KIF20B: variants seen among roughly 807,000 people sequenced by gnomAD.
KIF20B encodes the protein kinesin family member 20B, also known as kinesin-like protein KIF20B.
KIF20B carries 188 observed loss-of-function variants against 232.5 expected under a neutral mutation model. That is an observed-to-expected ratio of 0.81 (90% confidence interval 0.72 to 0.91). The LOEUF (loss-of-function observed/expected upper bound fraction) is 0.91. Ranked by LOEUF, KIF20B falls within the 40% of genes least tolerant of loss-of-function variation. The probability of loss-of-function intolerance (pLI) is 0.00; values close to 1 mark genes in which losing one functional copy is unlikely to be tolerated. For synonymous variants in KIF20B, 712 were observed against 683.0 expected (o/e 1.04, Z -0.66); for missense variants, 2,154 against 2,055.9 (o/e 1.05, Z -0.92).
At chr10:89,755,248 C>T (rs1479611648) in intron 26 of KIF20B, among the ~76,000 whole-genome samples, 1 of 152,194 alleles carries the variant, frequency 6.6e-6, no homozygotes, top group Non-Finnish European at 1.5e-5. Context: ...AATGAAAAAC[C>T]AGTGTCTATA....
At chr10:89,733,653 A>G (rs1325394423) in intron 19 of KIF20B, among the ~76,000 whole-genome samples, 1 of 152,220 alleles carries the variant, frequency 6.6e-6, no homozygotes, top group African/African-American at 2.4e-5. Context: ...TTGAGGAAAT[A>G]AATAGGAAAA....
At chr10:89,764,467 C>G (rs1482253432) in intron 29 of KIF20B, among the ~76,000 whole-genome samples, 1 of 152,190 alleles carries the variant, frequency 6.6e-6, no homozygotes, top group African/African-American at 2.4e-5. Context: ...CTGGGAATCG[C>G]CACACTGACT....
chr10:89,706,014 G>A (rs921294105), intron 2 of KIF20B, among the ~76,000 whole-genome samples: 3 of 152,104 alleles, frequency 2.0e-5, no homozygotes, highest in Non-Finnish European at 4.4e-5. Context: ...GTGAACTTGT[G>A]TTTTCATTTT....
rs753091686 is a variant in KIF20B at position 89,774,092 on chromosome 10, A to T, written c.*44A>T. On this transcript the variant is annotated 3_prime_UTR_variant, in exon 33 of 33. Transcript: ENST00000371728. Reference sequence around the variant, plus strand: ...TAATATAAATTTTATAGTCATAGTCATTGGAACTTGCATCCTGTATTGTAA... The same window carrying T: ...TAATATAAATTTTATAGTCATAGTCTTTGGAACTTGCATCCTGTATTGTAA... 9.9e-6 allele frequency: 12 copies of T among 1,214,812 alleles called. No homozygotes were observed. The South Asian group carries it at 1.4e-4, about 14-fold the overall frequency. The allele number at this position is 1,214,812 out of a possible 1,614,324, so 75.3% of individuals were successfully genotyped here.
Position 89,727,859 on chromosome 10 carries a change from C to A in KIF20B, c.2234C>A (p.Ser745Ter). Residue 745 changes from serine to a stop codon, truncating the protein, a stop_gained, in exon 17 of 33, where the codon TCA (serine) becomes TAA (stop). Transcript: ENST00000371728. LOFTEE classifies it high-confidence loss of function. ...TCAATGTTCTTTATTTTTTCAGAAT[C>A]AGATTCATTGATTCAAGAGCTTGAG... The part of the protein sequence containing the change: ...KEELKKRENE[S>*]DSLIQELETS... 1.9e-6 allele frequency: 3 copies of A among 1,551,564 alleles called. No individual in the cohort carries two copies. The South Asian group carries it at 3.5e-5, about 18-fold the overall frequency.
chr10:89,724,335 T>G (rs1843130422), intron 14 of KIF20B, among the ~76,000 whole-genome samples: 1 of 152,148 alleles, frequency 6.6e-6, no homozygotes, highest in East Asian at 1.9e-4. Flanking sequence ...GAGATCAGCC[T>G]GGCCAACATG....
intron 28 of KIF20B, 150 bp from the exon 29 acceptor site, chr10:89,762,488 T>C (rs2133167742): frequency 1.6e-6 from 1 of 606,848 alleles, no homozygotes; most frequent in Non-Finnish European, 2.9e-6. Flanking sequence ...AGTAGATGAT[T>C]GCTCAATCTT....
chr10:89,762,477 A>G (rs1309974079), intron 28 of KIF20B, among the ~76,000 whole-genome samples, 161 bp from the exon 29 acceptor site: 4 of 152,204 alleles, frequency 2.6e-5, no homozygotes, highest in Non-Finnish European at 5.9e-5. Flanking sequence ...AGCCTGAAGA[A>G]AGTAGATGAT....
At chr10:89,724,293 T>C (rs1843129108) in intron 14 of KIF20B, among the ~76,000 whole-genome samples, 190 bp downstream of exon 14, 1 of 152,054 alleles carries the variant, frequency 6.6e-6, no homozygotes, top group African/African-American at 2.4e-5. Flanking sequence ...TTGGGAGGCC[T>C]AGGCAGGCGG....
At chr10:89,754,415 T>A in intron 25 of KIF20B, 103 bp from the exon 26 acceptor site, 1 of 615,690 alleles carries the variant, frequency 1.6e-6, no homozygotes, top group Admixed American at 3.9e-5. Context: ...CATTAAAGTT[T>A]TTATAGAGGT....
At chr10:89,703,687 A>G (rs1165265765) in intron 1 of KIF20B, among the ~76,000 whole-genome samples, 1 of 151,170 alleles carries the variant, frequency 6.6e-6, no homozygotes, top group Non-Finnish European at 1.5e-5. Context: ...AAATATGCTT[A>G]TTTTGGGCCA....
intron 18 of KIF20B, among the ~76,000 whole-genome samples, chr10:89,732,345 A>G (rs1281158461): frequency 6.6e-6 from 1 of 151,816 alleles, no homozygotes; most frequent in African/African-American, 2.4e-5. Context: ...CTGGTCTCAA[A>G]CTCCTGGGCT....
intron 22 of KIF20B, among the ~76,000 whole-genome samples, chr10:89,744,952 A>G (rs1016242369): frequency 4.6e-5 from 7 of 152,222 alleles, no homozygotes; most frequent in Non-Finnish European, 8.8e-5. Context: ...TTACAATTAG[A>G]ACTGTAGGAT....
intron 15 of KIF20B, 150 bp downstream of exon 15, chr10:89,725,308 A>C: frequency 1.4e-6 from 1 of 720,748 alleles, no homozygotes; most frequent in Non-Finnish European, 2.2e-6. Context: ...GTTTTTTTAG[A>C]AGTGTAAGGC....
intron 23 of KIF20B, 57 bp downstream of exon 23, chr10:89,746,016 G>A (rs1841902830): frequency 8.2e-7 from 1 of 1,212,320 alleles, no homozygotes; most frequent in Non-Finnish European, 1.2e-6. Flanking sequence ...CCCCTCGCAG[G>A]GCATGCGATG....
In KIF20B at chr10:89,754,527, C is replaced by A; in HGVS notation, c.4357C>A (p.Gln1453Lys). 1 of 1,584,428 alleles carries A rather than the reference C, an allele frequency of 6.3e-7. No homozygotes were observed. Among genetic ancestry groups the A allele is most frequent in the Non-Finnish European group, 8.6e-7 (1 of 1,165,646 alleles). ...NLQDELQESE[Q>K]KYNADRKKWL... ...CCATTTATATATACAGGAGTCTGAA[C>A]AGAAATATAATGCTGATAGAAAGAA... The change falls in exon 26 of 33, where the codon CAG becomes AAG. Residue 1453 changes from glutamine to lysine, a missense_variant. Coordinates refer to ENST00000371728, the MANE Select transcript of KIF20B (RefSeq NM_001284259.2).
At chr10:89,722,675 A>G (rs901032472) in intron 13 of KIF20B, among the ~76,000 whole-genome samples, 1 of 152,152 alleles carries the variant, frequency 6.6e-6, no homozygotes, top group African/African-American at 2.4e-5. Flanking sequence ...TCTCAAAAAA[A>G]ATAAATAAAT....
At chr10:89,702,637 G>A (rs1033217096) in intron 1 of KIF20B, among the ~76,000 whole-genome samples, 2 of 152,110 alleles carry the variant, frequency 1.3e-5, no homozygotes, top group African/African-American at 4.8e-5. Context: ...CTCCAATTGT[G>A]GATTCTTATT....
intron 18 of KIF20B, among the ~76,000 whole-genome samples, chr10:89,730,967 T>C (rs910967288): frequency 6.6e-6 from 1 of 152,126 alleles, no homozygotes. Context: ...AGGACTTCGA[T>C]TTACGGTAGT....
Sources: gnomAD v4.1 joint callset for allele counts (sites outside exome capture counted in the v4.1 genomes callset) on GRCh38, gnomAD v4.1.1 for gene constraint, MANE v1.5 for transcripts, NCBI Gene and HGNC (gene_info 2026-07-23, HGNC 2026-07-21) for gene names.